Variants in TRAPPC6B observed in about 807,000 individuals in gnomAD.
TRAPPC6B encodes trafficking protein particle complex subunit 6B.
TRAPPC6B carries 27 observed loss-of-function variants against 24.7 expected under a neutral mutation model. The observed-to-expected ratio is 1.09, with a 90% CI of 0.81 to 1.51. TRAPPC6B has a LOEUF of 1.51. TRAPPC6B is among the 40% of genes most tolerant of loss of function. The pLI, the probability that TRAPPC6B is intolerant of heterozygous loss-of-function variation, is 0.00. For missense variants in TRAPPC6B, 212 were observed against 190.8 expected (o/e 1.11, Z -0.66); for synonymous variants, 80 against 66.6 (o/e 1.20, Z -0.98).
chr14:39,166,400 T>A (rs1566551783), intron 1 of TRAPPC6B, among the ~76,000 whole-genome samples: 1 of 152,176 alleles, frequency 6.6e-6, no homozygotes, highest in Non-Finnish European at 1.5e-5. Context: ...TTGCAAAGAT[T>A]GTAACAGTAA....
At position 39,148,675 on chromosome 14, in the gene TRAPPC6B, T is replaced by C. The variant is rs571711749; in HGVS notation, c.*1675A>G. 12 of 398,526 alleles carry C rather than the reference T, an allele frequency of 3.0e-5. No homozygotes were observed. The South Asian group carries it at 1.1e-3, about 38-fold the overall frequency. The allele number at this position is 398,526 out of a possible 1,614,324, so 24.7% of individuals were successfully genotyped here. ...TATGACTTTTAATAAACTTTATACATGTATATTTGGTAGGAACTTTCCTAA... is the reference window on the plus strand; with the variant it reads ...TATGACTTTTAATAAACTTTATACACGTATATTTGGTAGGAACTTTCCTAA... On this transcript the variant is annotated 3_prime_UTR_variant, in exon 6 of 6. Transcript: ENST00000330149.
At chr14:39,151,625 C>A (rs2052915064) in intron 5 of TRAPPC6B, 121 bp downstream of exon 5, 1 of 705,568 alleles carries the variant, frequency 1.4e-6, no homozygotes, top group Admixed American at 3.2e-5. Context: ...TAAAGTGTTA[C>A]ATTGATAAAA....
intron 3 of TRAPPC6B, among the ~76,000 whole-genome samples, chr14:39,155,583 C>A (rs534672492): frequency 6.6e-6 from 1 of 152,048 alleles, no homozygotes; most frequent in East Asian, 1.9e-4. Context: ...GTCGCCCAGG[C>A]TGGAGTGCAG....
In TRAPPC6B at chr14:39,149,773, T is replaced by C. The variant is rs2052892538; in HGVS notation, c.*577A>G. On this transcript the variant is annotated 3_prime_UTR_variant, in exon 6 of 6. Transcript: ENST00000330149. ...CATTTTGATTACATTAATGGAGCTC[T>C]GAAGGAATGAAACCTATTAAAGAAA... is the stretch of plus-strand genomic sequence containing the variant. 1 of 152,192 alleles carries C rather than the reference T, an allele frequency of 6.6e-6. No homozygotes were observed. The highest frequency in any genetic ancestry group is 2.4e-5 in the African/African-American group (1 of 41,450). The allele number at this position is 152,192 out of a possible 1,614,324, so 9.4% of individuals were successfully genotyped here.
At chr14:39,151,672 A>G (rs2052915496) in intron 5 of TRAPPC6B, 74 bp downstream of exon 5, 1 of 1,086,520 alleles carries the variant, frequency 9.2e-7, no homozygotes, top group Non-Finnish European at 1.3e-6. Context: ...ATTTCCTCTC[A>G]GTTAAATTAA....
At chr14:39,169,770 C>A (rs1378798825) in intron 1 of TRAPPC6B, among the ~76,000 whole-genome samples, 3 of 152,076 alleles carry the variant, frequency 2.0e-5, no homozygotes, top group Non-Finnish European at 2.9e-5. Context: ...GCGTGCAAGA[C>A]AAACGTACGG....
chr14:39,158,009 A>C (rs1237804056), intron 3 of TRAPPC6B, among the ~76,000 whole-genome samples: 5 of 152,248 alleles, frequency 3.3e-5, no homozygotes, highest in Admixed American at 3.3e-4. Flanking sequence ...TAAGGAACCA[A>C]ATAGTAAAAG....
chr14:39,160,561 G>A (rs564622659), intron 1 of TRAPPC6B, among the ~76,000 whole-genome samples: 87 of 149,572 alleles, frequency 5.8e-4, no homozygotes, highest in Non-Finnish European at 1.1e-3. Flanking sequence ...GTTGAGCAAG[G>A]GACCCCATGA....
chr14:39,169,201 C>G (rs1164790806), intron 1 of TRAPPC6B, among the ~76,000 whole-genome samples: 1 of 152,184 alleles, frequency 6.6e-6, no homozygotes, highest in African/African-American at 2.4e-5. Flanking sequence ...CATGATTCTA[C>G]CAGCCAATAC....
chr14:39,157,282 A>G (rs2052993868), intron 3 of TRAPPC6B: 2 of 376,362 alleles, frequency 5.3e-6, no homozygotes, highest in Non-Finnish European at 1.0e-5. Context: ...TAAGCAGCTG[A>G]AAGTGCCTCC....
In TRAPPC6B at chr14:39,170,307, C is replaced by T. The variant is rs972154823; in HGVS notation, c.-212G>A. On this transcript the variant is annotated 5_prime_UTR_variant, in exon 1 of 6. Coordinates refer to ENST00000330149, the MANE Select transcript of TRAPPC6B (RefSeq NM_001079537.2). ...GGAGAGAGCCCACACTTCGGGGCTA[C>T]CAAATCCTAGGGCCGAACTAAAGTC... The T allele has an allele frequency of 4.6e-5, 26 of 569,802 alleles. No homozygotes were observed. The highest frequency in any genetic ancestry group is 6.2e-5 in the Non-Finnish European group (20 of 324,282). 35.3% of individuals were successfully genotyped at this position (569,802 alleles called of 1,614,324 possible). A position where few individuals can be genotyped will look rare whatever the true frequency, so the allele number is the denominator to read the frequency against.
At chr14:39,167,918 AAG>A (rs2053124352) in intron 1 of TRAPPC6B, among the ~76,000 whole-genome samples, 1 of 152,120 alleles carries the variant, frequency 6.6e-6, no homozygotes, top group Non-Finnish European at 1.5e-5. Context: ...TATTCTAGAC[AAG>A]AGTCAGAAAA....
intron 1 of TRAPPC6B, among the ~76,000 whole-genome samples, chr14:39,165,297 G>A (rs529400936): frequency 2.8e-4 from 43 of 152,138 alleles, no homozygotes; most frequent in Non-Finnish European, 4.6e-4. Flanking sequence ...CGCCCGCCTC[G>A]GCCTCCCAAA....
chr14:39,157,774 A>G, intron 3 of TRAPPC6B: 1 of 238,968 alleles, frequency 4.2e-6, no homozygotes, highest in Non-Finnish European at 8.4e-6. Flanking sequence ...CTGGGGAGGC[A>G]ATGTCCTGGG....
chr14:39,163,498 A>C lies in TRAPPC6B; in HGVS notation c.82-3948T>G, dbSNP rs906846801. Reference sequence around the variant, plus strand: ...TGGGGCCGCTAATCAGCTTTAACAAACCTTCTAAAAATTGATTTTGATACT... The same window carrying C: ...TGGGGCCGCTAATCAGCTTTAACAACCCTTCTAAAAATTGATTTTGATACT... On this transcript the variant is annotated intron_variant, in intron 1 of 5. Coordinates refer to ENST00000330149, the MANE Select transcript of TRAPPC6B (RefSeq NM_001079537.2). Among the ~76,000 whole-genome samples the C allele has an allele frequency of 8.6e-5, 13 of 150,762 alleles. 2 individuals carry two copies. Among genetic ancestry groups the C allele is most frequent in the African/African-American group, 3.0e-4 (12 of 40,112 alleles).
At chr14:39,152,714 A>G (rs751078145) in intron 4 of TRAPPC6B, among the ~76,000 whole-genome samples, 2 of 152,212 alleles carry the variant, frequency 1.3e-5, no homozygotes, top group African/African-American at 4.8e-5. Flanking sequence ...AAAACCATGT[A>G]TATGTGCGTA....
At chr14:39,154,616 C>T (rs1331596174) in intron 3 of TRAPPC6B, among the ~76,000 whole-genome samples, 1 of 152,068 alleles carries the variant, frequency 6.6e-6, no homozygotes, top group Non-Finnish European at 1.5e-5. Flanking sequence ...GATGGGGTTT[C>T]GCCATGTTGC....
intron 5 of TRAPPC6B, among the ~76,000 whole-genome samples, chr14:39,150,812 C>A (rs1371999753): frequency 1.3e-5 from 2 of 152,112 alleles, no homozygotes; most frequent in African/African-American, 4.8e-5. Flanking sequence ...GCTGAGCTTA[C>A]AGGTGTGAGG....
rs766104774 is a variant in TRAPPC6B, at chr14:39,154,294, CCT to C, written c.268-2_268-1del. The C allele has an allele frequency of 1.7e-5, 28 of 1,605,614 alleles. No individual in the cohort carries two copies. Among genetic ancestry groups the C allele is most frequent in the Non-Finnish European group, 2.2e-5 (26 of 1,174,480 alleles). ...TTGTTGTCCTGAAGTACATAGATGC[CCT>C]GTTCCAAAAATAGAAAAAAAATCCA... On this transcript the variant is annotated splice_acceptor_variant, in intron 3 of 5. Coordinates refer to ENST00000330149, the MANE Select transcript of TRAPPC6B (RefSeq NM_001079537.2). LOFTEE classifies it high-confidence loss of function.
Sources: allele counts gnomAD v4.1 joint callset (sites outside exome capture counted in the v4.1 genomes callset), GRCh38; gene constraint gnomAD v4.1.1; transcripts MANE v1.5; gene names NCBI Gene and HGNC (gene_info 2026-07-23, HGNC 2026-07-21).